The following LRRTM3 variants were observed in gnomAD, a reference collection of about 807,000 sequenced individuals.
The protein encoded by LRRTM3 is leucine-rich repeat transmembrane neuronal protein 3.
A neutral mutation model predicts 44.7 loss-of-function variants in LRRTM3; 24 were observed. That is an observed-to-expected ratio of 0.54 (90% CI 0.39 to 0.76). The LOEUF (loss-of-function observed/expected upper bound fraction) is 0.76, where lower values mean the gene tolerates loss of function less well. LRRTM3 is among the 30% of genes least tolerant of loss of function. The pLI is 0.00. For synonymous variants in LRRTM3, 277 were observed against 278.7 expected, an observed-to-expected ratio of 0.99 and a Z score of 0.06; for missense variants, 587 against 702.2, an observed-to-expected ratio of 0.84 and a Z score of 1.85.
intron 2 of LRRTM3, among the ~76,000 whole-genome samples, chr10:66,998,945 C>T (rs890529750): frequency 2.0e-5 from 3 of 152,068 alleles, no homozygotes; most frequent in Non-Finnish European, 2.9e-5. Context: ...TGAACATATA[C>T]ATAAAGCAAA....
At chr10:67,069,333 T>C (rs989852921) in intron 2 of LRRTM3, among the ~76,000 whole-genome samples, 2 of 152,008 alleles carry the variant, frequency 1.3e-5, no homozygotes, top group Non-Finnish European at 2.9e-5. Context: ...CCTTCCAAAG[T>C]CTCCCTTACA....
intron 2 of LRRTM3, among the ~76,000 whole-genome samples, chr10:67,028,344 A>T (rs1361914126): frequency 1.3e-5 from 2 of 152,180 alleles, no homozygotes; most frequent in Non-Finnish European, 2.9e-5. Context: ...CTCAGAAGCT[A>T]CAGAATAGAT....
At chr10:66,928,527 T>C (rs889296544) in intron 2 of LRRTM3, 75 bp downstream of exon 2, 12 of 1,377,336 alleles carry the variant, frequency 8.7e-6, no homozygotes, top group Admixed American at 7.1e-5. Context: ...CTGGTGACTA[T>C]CAAGGGAACG....
intron 2 of LRRTM3, among the ~76,000 whole-genome samples, chr10:67,053,100 T>C (rs1054092928): frequency 9.9e-5 from 15 of 152,190 alleles, no homozygotes; most frequent in Admixed American, 9.8e-4. Context: ...AACTTTGTAA[T>C]ACTGCTTTGT....
At chr10:67,024,524 C>T (rs1853231286) in intron 2 of LRRTM3, among the ~76,000 whole-genome samples, 2 of 152,138 alleles carry the variant, frequency 1.3e-5, no homozygotes, top group African/African-American at 2.4e-5. Flanking sequence ...CATTATTTGG[C>T]CTACCATAAG....
chr10:67,005,682 C>CTTTT lies in LRRTM3; in HGVS notation c.1536+77248_1536+77251dup, dbSNP rs11369576. 2.1e-4 allele frequency among the ~76,000 whole-genome samples: 13 copies of CTTTT among 61,972 alleles called. 2 individuals carry two copies. Among genetic ancestry groups the CTTTT allele is most frequent in the Admixed American group, 1.3e-3 (4 of 3,052 alleles). 40.7% of individuals were successfully genotyped at this position (61,972 alleles called of 152,430 possible). A position where few individuals can be genotyped will look rare whatever the true frequency, so the allele number is the denominator to read the frequency against. On this transcript the variant is annotated intron_variant, in intron 2 of 2. Coordinates refer to ENST00000361320, the MANE Select transcript of LRRTM3 (RefSeq NM_178011.5). ...AATGCTTTTGTTTATTTTACTCCAT[C>CTTTT]TTTTTTTTTTTTTTTTTTTTTGAGA... is the stretch of plus-strand genomic sequence containing the variant.
chr10:67,096,825 C>T (rs546878365), intron 2 of LRRTM3, among the ~76,000 whole-genome samples: 75 of 151,934 alleles, frequency 4.9e-4, no homozygotes, highest in African/African-American at 1.8e-3. Context: ...TCCTTTGATG[C>T]TTTTTGGACT....
At chr10:66,935,833 TGTAA>T (rs1472278394) in intron 2 of LRRTM3, among the ~76,000 whole-genome samples, 3 of 148,624 alleles carry the variant, frequency 2.0e-5, no homozygotes, top group African/African-American at 5.2e-5. Flanking sequence ...TCTGTCTTCC[TGTAA>T]GTTTCACTCA....
chr10:66,954,012 A>C (rs935273630), intron 2 of LRRTM3, among the ~76,000 whole-genome samples: 2 of 152,228 alleles, frequency 1.3e-5, no homozygotes, highest in Non-Finnish European at 2.9e-5. Flanking sequence ...GCTGGTGCAT[A>C]GTAAGTGCTC....
chr10:67,086,384 C>T (rs886372982), intron 2 of LRRTM3, among the ~76,000 whole-genome samples: 1 of 151,804 alleles, frequency 6.6e-6, no homozygotes, highest in Non-Finnish European at 1.5e-5. Flanking sequence ...TAATCTCAAC[C>T]AAAGTCTCAA....
chr10:67,017,224 G>A (rs1393274436), intron 2 of LRRTM3, among the ~76,000 whole-genome samples: 2 of 152,120 alleles, frequency 1.3e-5, no homozygotes, highest in African/African-American at 4.8e-5. Flanking sequence ...TTCATTGAGG[G>A]CTATGTTAGA....
chr10:66,937,495 G>A (rs1014573223), intron 2 of LRRTM3, among the ~76,000 whole-genome samples: 2 of 152,102 alleles, frequency 1.3e-5, no homozygotes, highest in Non-Finnish European at 2.9e-5. Flanking sequence ...AATGCGCTTT[G>A]AAAGTCATAT....
intron 2 of LRRTM3, among the ~76,000 whole-genome samples, chr10:66,935,904 A>C (rs527501652): frequency 6.6e-6 from 1 of 152,068 alleles, no homozygotes; most frequent in East Asian, 1.9e-4. Flanking sequence ...TTTATACCCC[A>C]CCCACAAAAG....
intron 2 of LRRTM3, among the ~76,000 whole-genome samples, chr10:67,019,064 G>A (rs567629133): frequency 6.6e-6 from 1 of 152,252 alleles, no homozygotes; most frequent in East Asian, 1.9e-4. Flanking sequence ...TACAGTGCCT[G>A]CACTTACTAA....
intron 2 of LRRTM3, among the ~76,000 whole-genome samples, chr10:66,992,886 C>T (rs1424412752): frequency 1.3e-5 from 2 of 151,946 alleles, no homozygotes; most frequent in Non-Finnish European, 2.9e-5. Context: ...GGCTTTGTAT[C>T]CTCTTCAATT....
chr10:66,936,425 CTTCT>C (rs1311619066), intron 2 of LRRTM3, among the ~76,000 whole-genome samples: 1 of 151,956 alleles, frequency 6.6e-6, no homozygotes, highest in African/African-American at 2.4e-5. Flanking sequence ...GCTGACATTC[CTTCT>C]ATTTTCCTAT....
chr10:66,966,013 G>T (rs1849392399), intron 2 of LRRTM3, among the ~76,000 whole-genome samples: 1 of 152,204 alleles, frequency 6.6e-6, no homozygotes, highest in Admixed American at 6.5e-5. Context: ...TAGAACTGTA[G>T]TCAGGACTTA....
At chr10:67,051,608 A>G (rs1201081977) in intron 2 of LRRTM3, among the ~76,000 whole-genome samples, 2 of 151,216 alleles carry the variant, frequency 1.3e-5, no homozygotes, top group Non-Finnish European at 2.9e-5. Flanking sequence ...TTTTGACCTC[A>G]TGACCTGAGA....
Position 67,097,834 on chromosome 10 carries a change from T to C in LRRTM3, c.*38T>C. On this transcript the variant is annotated 3_prime_UTR_variant, in exon 3 of 3. Transcript: ENST00000361320. Reference sequence around the variant, plus strand: ...GTAGCCAGGGGTTGCTACCAAACTTTGTAACCTCAAGGACAAAATGAGGAA... The same window carrying C: ...GTAGCCAGGGGTTGCTACCAAACTTCGTAACCTCAAGGACAAAATGAGGAA... 6.3e-7 allele frequency: 1 copy of C among 1,587,244 alleles called. No individual in the cohort carries two copies. The highest frequency in any genetic ancestry group is 1.7e-4 in the Middle Eastern group (1 of 5,984).
Sources: allele counts gnomAD v4.1 joint callset (sites outside exome capture counted in the v4.1 genomes callset), GRCh38; gene constraint gnomAD v4.1.1; transcripts MANE v1.5; gene names NCBI Gene and HGNC (gene_info 2026-07-23, HGNC 2026-07-21).